Variants in GRIP1 observed in about 807,000 individuals in gnomAD.
GRIP1 encodes glutamate receptor interacting protein 1, also known as glutamate receptor-interacting protein 1.
In GRIP1, 45 loss-of-function variants were observed where a neutral mutation model predicts 129.9. That is an observed-to-expected ratio of 0.35 (90% CI 0.27 to 0.44). The LOEUF is 0.44. Ranked by LOEUF, GRIP1 falls within the 20% of genes least tolerant of loss-of-function variation. The pLI is 1.00. For missense variants in GRIP1, 1,196 were observed against 1,396.8 expected, an observed-to-expected ratio of 0.86 and a Z score of 2.29; for synonymous variants, 530 against 520.8, an observed-to-expected ratio of 1.02 and a Z score of -0.24.
At chr12:66,935,621 C>A (rs531815111) in intron 1 of GRIP1, among the ~76,000 whole-genome samples, 1 of 152,228 alleles carries the variant, frequency 6.6e-6, no homozygotes, top group South Asian at 2.1e-4. Context: ...TTTAATTGAG[C>A]AATGAATGAT....
At chr12:66,989,578 G>C (rs186692560) in intron 1 of GRIP1, among the ~76,000 whole-genome samples, 1 of 152,212 alleles carries the variant, frequency 6.6e-6, no homozygotes, top group East Asian at 1.9e-4. Context: ...CATCCGAATA[G>C]GTTATTAATC....
At chr12:67,021,461 T>C (rs2042865883) in intron 1 of GRIP1, among the ~76,000 whole-genome samples, 1 of 152,214 alleles carries the variant, frequency 6.6e-6, no homozygotes, top group Non-Finnish European at 1.5e-5. Context: ...TAGTTAATTT[T>C]TTAATTACTG....
intron 7 of GRIP1, among the ~76,000 whole-genome samples, chr12:66,492,925 G>T (rs112819007): frequency 1.3e-5 from 2 of 152,112 alleles, no homozygotes; most frequent in Non-Finnish European, 2.9e-5. Flanking sequence ...CAGGAGAATC[G>T]CTTGAACTCG....
intron 1 of GRIP1, among the ~76,000 whole-genome samples, chr12:66,616,638 G>T (rs1054401032): frequency 6.6e-6 from 1 of 152,066 alleles, no homozygotes; most frequent in Admixed American, 6.6e-5. Flanking sequence ...GATGGTGGGG[G>T]ATGGGGAGAT....
intron 2 of GRIP1, among the ~76,000 whole-genome samples, chr12:66,582,438 T>C (rs892013099): frequency 2.7e-5 from 4 of 149,492 alleles, no homozygotes; most frequent in African/African-American, 7.4e-5. Flanking sequence ...ATAAAGGGTA[T>C]TCAATTAAGA....
At chr12:66,921,868 C>A (rs939489107) in intron 1 of GRIP1, among the ~76,000 whole-genome samples, 2 of 152,166 alleles carry the variant, frequency 1.3e-5, no homozygotes, top group Admixed American at 6.5e-5. Context: ...CCATCTTTAA[C>A]TTCTTCTAAT....
intron 13 of GRIP1, among the ~76,000 whole-genome samples, chr12:66,435,480 A>G (rs1195806370): frequency 1.3e-5 from 2 of 152,326 alleles, no homozygotes; most frequent in Non-Finnish European, 2.9e-5. Context: ...CTGTGATTAC[A>G]GGCGGAGCCA....
intron 1 of GRIP1, among the ~76,000 whole-genome samples, chr12:66,878,111 G>A (rs1023425999): frequency 1.1e-4 from 16 of 151,980 alleles, no homozygotes; most frequent in Admixed American, 2.0e-4. Context: ...AAATTCAAGT[G>A]ATTAAACAAA....
At chr12:66,966,562 CA>C (rs1192807814) in intron 1 of GRIP1, among the ~76,000 whole-genome samples, 1 of 152,172 alleles carries the variant, frequency 6.6e-6, no homozygotes, top group Non-Finnish European at 1.5e-5. Flanking sequence ...TCCAAGAAAA[CA>C]TATTTCATTA....
At chr12:66,792,922 T>C (rs1276296173) in intron 1 of GRIP1, among the ~76,000 whole-genome samples, 1 of 152,166 alleles carries the variant, frequency 6.6e-6, no homozygotes, top group Non-Finnish European at 1.5e-5. Context: ...ATATATTTTA[T>C]AGTAAATAAT....
chr12:66,408,174 G>A (rs930915613), intron 15 of GRIP1, among the ~76,000 whole-genome samples: 1 of 152,044 alleles, frequency 6.6e-6, no homozygotes, highest in East Asian at 1.9e-4. Flanking sequence ...AATATCCCTC[G>A]GGCCCTGAAT....
chr12:66,624,358 C>G (rs1007949037), intron 1 of GRIP1, among the ~76,000 whole-genome samples: 1 of 151,982 alleles, frequency 6.6e-6, no homozygotes, highest in African/African-American at 2.4e-5. Flanking sequence ...TACAATTTCA[C>G]GTCAAAATGT....
At chr12:66,668,813 A>T (rs2033928195) in intron 1 of GRIP1, among the ~76,000 whole-genome samples, 1 of 151,896 alleles carries the variant, frequency 6.6e-6, no homozygotes, top group Non-Finnish European at 1.5e-5. Context: ...GTGGGGTCCT[A>T]GCTACTTGGG....
intron 1 of GRIP1, among the ~76,000 whole-genome samples, chr12:66,711,757 G>A (rs567879999): frequency 6.6e-6 from 1 of 151,862 alleles, no homozygotes; most frequent in East Asian, 1.9e-4. Context: ...ACTCAAAATT[G>A]GCCTGTCTGG....
chr12:66,790,553 A>T (rs2038498592), intron 1 of GRIP1, among the ~76,000 whole-genome samples: 1 of 152,202 alleles, frequency 6.6e-6, no homozygotes. Flanking sequence ...GAATACAAAG[A>T]TGAAGTATAA....
intron 1 of GRIP1, among the ~76,000 whole-genome samples, chr12:66,617,115 G>A (rs957948478): frequency 1.3e-5 from 2 of 150,146 alleles, no homozygotes; most frequent in Non-Finnish European, 3.0e-5. Context: ...GTGTGTGTGT[G>A]TGTGTGTGTG....
chr12:66,730,251 A>G (rs2136492615), intron 1 of GRIP1, among the ~76,000 whole-genome samples: 1 of 152,324 alleles, frequency 6.6e-6, no homozygotes, highest in East Asian at 1.9e-4. Context: ...AACATTTCCT[A>G]GCGTCATAAA....
intron 1 of GRIP1, among the ~76,000 whole-genome samples, chr12:66,941,781 G>A (rs1462466067): frequency 6.6e-6 from 1 of 152,162 alleles, no homozygotes; most frequent in Non-Finnish European, 1.5e-5. Context: ...AGCCAGTAAC[G>A]TAATCATGAT....
chr12:66,924,957 G>A (rs982516279), intron 1 of GRIP1, among the ~76,000 whole-genome samples: 7 of 152,274 alleles, frequency 4.6e-5, no homozygotes, highest in African/African-American at 1.2e-4. Flanking sequence ...GCGACAGAGC[G>A]AGACTCCGTC....
Sources: allele counts gnomAD v4.1 joint callset (sites outside exome capture counted in the v4.1 genomes callset), GRCh38; gene constraint gnomAD v4.1.1; transcripts MANE v1.5; gene names NCBI Gene and HGNC (gene_info 2026-07-23, HGNC 2026-07-21).